Variants in DENND2B observed in about 807,000 individuals in gnomAD.
DENND2B encodes DENN domain-containing protein 2B.
Under a neutral mutation model 116.0 loss-of-function variants are expected in DENND2B, and 32 were observed. The ratio of observed to expected loss-of-function variants is 0.28; its 90% confidence interval spans 0.21 to 0.37. The LOEUF (loss-of-function observed/expected upper bound fraction) is 0.37. Among genes scored for constraint, DENND2B ranks in the 10% least tolerant of loss-of-function variants. The pLI is 1.00. For synonymous variants in DENND2B, 588 were observed against 583.9 expected (o/e 1.01, Z -0.10); for missense variants, 1,276 against 1,477.7 (o/e 0.86, Z 2.24).
chr11:8,778,147 G>A (rs1158517911), intron 1 of DENND2B, among the ~76,000 whole-genome samples: 3 of 152,200 alleles, frequency 2.0e-5, no homozygotes, highest in Non-Finnish European at 4.4e-5. Context: ...CCTTGAAAGG[G>A]CAGAACAGAA....
chr11:8,714,616 G>A lies in DENND2B; in HGVS notation c.1936C>T (p.Leu646=). Residue 646 remains leucine, a synonymous_variant, in exon 7 of 20, where the codon CTG becomes TTG. Transcript: ENST00000313726. ...LSMSSIETAS[L]RDENSESESD... is the part of the protein sequence containing the mutation. ...CTCTGGCACCAAAGCCTACCTCTCA[G>A]TGATGCTGTTTCAATGCTGGACATA... 2 of 1,613,902 alleles carry A rather than the reference G, an allele frequency of 1.2e-6. No homozygotes were observed. The highest frequency in any genetic ancestry group is 2.2e-5 in the South Asian group (2 of 91,074).
At chr11:8,817,974 C>A (rs1008148529) in intron 4 of DENND2B, among the ~76,000 whole-genome samples, 1 of 151,502 alleles carries the variant, frequency 6.6e-6, no homozygotes, top group Non-Finnish European at 1.5e-5. Context: ...CTAAAATAGG[C>A]TTTCTGGCCG....
At chr11:8,773,757 C>T (rs2134201202) in intron 1 of DENND2B, among the ~76,000 whole-genome samples, 1 of 152,204 alleles carries the variant, frequency 6.6e-6, no homozygotes, top group Admixed American at 6.5e-5. Context: ...AATCTGTTCC[C>T]CACCCCCAAT....
chr11:8,770,210 TC>T (rs1437066055), intron 1 of DENND2B, among the ~76,000 whole-genome samples: 1 of 152,192 alleles, frequency 6.6e-6, no homozygotes, highest in Non-Finnish European at 1.5e-5. Flanking sequence ...TTTATACTTT[TC>T]AAAAACACTT....
chr11:8,888,505 C>T (rs1487134835), intron 1 of DENND2B, among the ~76,000 whole-genome samples: 5 of 152,248 alleles, frequency 3.3e-5, no homozygotes, highest in Non-Finnish European at 5.9e-5. Context: ...AGCTTCAAAA[C>T]GTTGAATTGG....
At chr11:8,798,091 A>G (rs1026975103) in intron 1 of DENND2B, among the ~76,000 whole-genome samples, 12 of 152,106 alleles carry the variant, frequency 7.9e-5, no homozygotes, top group African/African-American at 2.9e-4. Context: ...CATCACCATT[A>G]TATCCTTCCG....
At chr11:8,787,472 G>A (rs1412019794) in intron 1 of DENND2B, among the ~76,000 whole-genome samples, 1 of 152,142 alleles carries the variant, frequency 6.6e-6, no homozygotes, top group Non-Finnish European at 1.5e-5. Flanking sequence ...CATCATGCCA[G>A]GCCAGAACTG....
intron 1 of DENND2B, among the ~76,000 whole-genome samples, chr11:8,763,374 T>C (rs553694582): frequency 3.3e-5 from 5 of 152,210 alleles, no homozygotes; most frequent in Admixed American, 3.3e-4. Flanking sequence ...GACCCAGCAA[T>C]TCCTTTCTTA....
At chr11:8,808,565 T>G (rs557328293) in intron 1 of DENND2B, 1 of 152,342 alleles carries the variant, frequency 6.6e-6, no homozygotes, top group South Asian at 2.1e-4. Flanking sequence ...ATTTTTCTCA[T>G]GTTTACTTAT....
chr11:8,874,756 T>TA (rs11338609), upstream of DENND2B, among the ~76,000 whole-genome samples: 440 of 142,966 alleles, frequency 3.1e-3, no homozygotes, highest in African/African-American at 7.5e-3. Context: ...CCCCAGTCTT[T>TA]AAAAAAAAAA....
At chr11:8,849,822 CA>C (rs10646471) in intron 3 of DENND2B, among the ~76,000 whole-genome samples, 13 of 140,650 alleles carry the variant, frequency 9.2e-5, no homozygotes, top group East Asian at 4.1e-4. Context: ...GTCTCCATCT[CA>C]AAAAAAAAAA....
chr11:8,759,413 C>A (rs149333591), intron 1 of DENND2B, among the ~76,000 whole-genome samples: 1 of 152,154 alleles, frequency 6.6e-6, no homozygotes, highest in African/African-American at 2.4e-5. Context: ...TGAGAGGAAA[C>A]GTAAACATTG....
In DENND2B at chr11:8,731,190, G is replaced by A. The variant is rs868609071; in HGVS notation, c.100C>T (p.Pro34Ser). Residue 34 changes from proline (P) to serine (S), a missense_variant, in exon 3 of 20, where the codon CCT becomes TCT. This residue lies in a region of DENND2B where 856 missense variants were observed against 846.6 expected (regional missense o/e 1.01). Transcript: ENST00000313726. ...TLSRSQSVSP[P>S]PVLSPPRSPI... Reference sequence around the variant, plus strand: ...CTCCTTGGTGGGGAGAGAACTGGAGGTGGAGAGACTGACTGAGACCTGGGG... The same window carrying A: ...CTCCTTGGTGGGGAGAGAACTGGAGATGGAGAGACTGACTGAGACCTGGGG... 1 of 1,512,388 alleles carries A rather than the reference G, an allele frequency of 6.6e-7. No homozygotes were observed. The highest frequency in any genetic ancestry group is 1.4e-5 in the African/African-American group (1 of 71,828). 93.7% of individuals were successfully genotyped at this position (1,512,388 alleles called of 1,614,324 possible). A position where few individuals can be genotyped will look rare whatever the true frequency, so the allele number is the denominator to read the frequency against.
chr11:8,797,524 C>G (rs1313261681), intron 1 of DENND2B, among the ~76,000 whole-genome samples: 3 of 147,116 alleles, frequency 2.0e-5, no homozygotes, highest in African/African-American at 5.0e-5. Context: ...CCCTCTTCCC[C>G]CTTCCCCCTT....
At chr11:8,824,103 C>T (rs369461066) in intron 4 of DENND2B, among the ~76,000 whole-genome samples, 2 of 151,882 alleles carry the variant, frequency 1.3e-5, no homozygotes, top group East Asian at 1.9e-4. Context: ...GGGGTTTCAC[C>T]GTGTTAGCCA....
Position 8,869,006 on chromosome 11 carries a change from C to A in DENND2B, c.-250+1948G>T, listed in dbSNP as rs374132787. Among the ~76,000 whole-genome samples the A allele has an allele frequency of 4.5e-4, 68 of 152,314 alleles. No individual in the cohort carries two copies. In the East Asian group the frequency reaches 0.011, roughly 24 times the overall value. Reference sequence around the variant, plus strand: ...TTTATGCGATTTATTTTAAGCTCATCAGCTATCCTTAGAGTCAGTGTATTT... The same window carrying A: ...TTTATGCGATTTATTTTAAGCTCATAAGCTATCCTTAGAGTCAGTGTATTT... On this transcript the variant is annotated intron_variant, in intron 2 of 6. Coordinates refer to the DENND2B transcript ENST00000524757.
chr11:8,821,777 T>G (rs1272770071), intron 4 of DENND2B, among the ~76,000 whole-genome samples: 1 of 152,232 alleles, frequency 6.6e-6, no homozygotes, highest in Non-Finnish European at 1.5e-5. Context: ...ACACTGCTGC[T>G]ATTGTAGATT....
chr11:8,906,942 ACT>A (rs952222279), intron 1 of DENND2B, among the ~76,000 whole-genome samples: 4 of 152,074 alleles, frequency 2.6e-5, no homozygotes, highest in Admixed American at 1.3e-4. Context: ...TCACTGTCTA[ACT>A]CTGGCACAGT....
chr11:8,728,106 C>T (rs2047439562), intron 3 of DENND2B, among the ~76,000 whole-genome samples: 1 of 152,030 alleles, frequency 6.6e-6, no homozygotes, highest in Non-Finnish European at 1.5e-5. Context: ...TGGGCTCAAG[C>T]TATCCTCCCT....
Sources: gnomAD v4.1 joint callset for allele counts (sites outside exome capture counted in the v4.1 genomes callset) on GRCh38, gnomAD v4.1.1 for gene constraint, gnomAD v4.1.1 regional missense constraint, MANE v1.5 for transcripts, NCBI Gene and HGNC (gene_info 2026-07-23, HGNC 2026-07-21) for gene names.